The following SETDB2 variants were observed in gnomAD, a reference collection of about 807,000 sequenced individuals.
The protein encoded by SETDB2 is SET domain bifurcated histone lysine methyltransferase 2.
Under a neutral mutation model 82.5 loss-of-function variants are expected in SETDB2, and 56 were observed. That is an observed-to-expected ratio of 0.68 (90% confidence interval 0.55 to 0.85). The LOEUF (loss-of-function observed/expected upper bound fraction) is 0.85. Ranked by LOEUF, SETDB2 falls within the 40% of genes least tolerant of loss-of-function variation. The pLI is 0.00. For missense variants in SETDB2, 677 were observed against 816.4 expected, an observed-to-expected ratio of 0.83 and a Z score of 2.08; for synonymous variants, 272 against 284.9, an observed-to-expected ratio of 0.95 and a Z score of 0.46.
At chr13:49,469,467 T>G (rs1174132035) in intron 5 of SETDB2, among the ~76,000 whole-genome samples, 1 of 152,248 alleles carries the variant, frequency 6.6e-6, no homozygotes, top group African/African-American at 2.4e-5. Context: ...TGGATTTTTC[T>G]CACCTACTTG....
intron 1 of SETDB2, among the ~76,000 whole-genome samples, chr13:49,447,582 C>A (rs978859071): frequency 6.6e-6 from 1 of 152,054 alleles, no homozygotes; most frequent in Non-Finnish European, 1.5e-5. Flanking sequence ...AAGGGGCCCC[C>A]CCACCTTCCA....
intron 5 of SETDB2, among the ~76,000 whole-genome samples, chr13:49,475,284 C>A (rs899772816): frequency 6.6e-6 from 1 of 152,132 alleles, no homozygotes; most frequent in African/African-American, 2.4e-5. Flanking sequence ...CCACCAGGTC[C>A]CTCCCACAAC....
intron 3 of SETDB2, among the ~76,000 whole-genome samples, chr13:49,460,670 AC>A (rs1213433622): frequency 6.6e-6 from 1 of 152,078 alleles, no homozygotes; most frequent in African/African-American, 2.4e-5. Context: ...TTTGTTGTCA[AC>A]CCTGGTTGGT....
chr13:49,483,557 A>G lies in SETDB2; in HGVS notation c.1476A>G (p.Lys492=), dbSNP rs1393334620. Residue 492 remains lysine (K), a synonymous_variant, in exon 10 of 14, where the codon AAA becomes AAG. Coordinates refer to ENST00000611815, the MANE Select transcript of SETDB2 (RefSeq NM_001160308.3). The stretch of plus-strand genomic sequence containing the variant: ...CAGCCATTTTTCAACACAATGGGAA[A>G]AAAATGGTAAAAAATGCAAAATGTA... ...SKTAIFQHNG[K]KMEFVSSESV... 3 of 1,364,316 alleles carry G rather than the reference A, an allele frequency of 2.2e-6. No individual in the cohort carries two copies. Among genetic ancestry groups the G allele is most frequent in the Non-Finnish European group, 3.0e-6 (3 of 995,932 alleles). The allele number at this position is 1,364,316 out of a possible 1,614,324, so 84.5% of individuals were successfully genotyped here.
chr13:49,491,730 AG>A lies in SETDB2; in HGVS notation c.2007del. 2 of 1,600,460 alleles carry A rather than the reference AG, an allele frequency of 1.2e-6. No homozygotes were observed. Among genetic ancestry groups the A allele is most frequent in the Non-Finnish European group, 1.7e-6 (2 of 1,170,538 alleles). On this transcript the variant is annotated splice_acceptor_variant, in intron 13 of 13. Transcript: ENST00000611815. LOFTEE classifies it high-confidence loss of function. ...GATTCTTTTCAAATTTCTACTTTCTAGGTATGTGAAAGCAAGAACAGAGCTA... is the reference window on the plus strand; with the variant it reads ...GATTCTTTTCAAATTTCTACTTTCTAGTATGTGAAAGCAAGAACAGAGCTA...
intron 11 of SETDB2, among the ~76,000 whole-genome samples, chr13:49,486,985 A>T (rs574567246): frequency 1.3e-5 from 2 of 151,998 alleles, no homozygotes; most frequent in Admixed American, 6.5e-5. Context: ...TTTGTGTATT[A>T]TATTTATTTT....
chr13:49,486,055 T>A lies in SETDB2; in HGVS notation c.1576+332T>A, dbSNP rs151276350. Among the ~76,000 whole-genome samples, 163 of 152,298 alleles carry A rather than the reference T, an allele frequency of 1.1e-3. 1 individual carries two copies. The highest frequency in any genetic ancestry group is 3.3e-3 in the African/African-American group (137 of 41,562). ...TAAAGTTTTGGCCAGGTGCAGTAGCTCACGCCCGTAATCTTAGCACTTTGG... is the reference window on the plus strand; with the variant it reads ...TAAAGTTTTGGCCAGGTGCAGTAGCACACGCCCGTAATCTTAGCACTTTGG... On this transcript the variant is annotated intron_variant, in intron 11 of 13. Transcript: ENST00000611815.
chr13:49,469,447 T>A (rs1254680025), intron 5 of SETDB2, among the ~76,000 whole-genome samples: 4 of 152,194 alleles, frequency 2.6e-5, no homozygotes, highest in Non-Finnish European at 5.9e-5. Context: ...AAAAGAAAAT[T>A]CAGTTAATTT....
rs554494897 is a variant in SETDB2, at chr13:49,486,063, G to A, written c.1576+340G>A. Among the ~76,000 whole-genome samples, 19 of 152,264 alleles carry A rather than the reference G, an allele frequency of 1.2e-4. No homozygotes were observed. In the East Asian group the frequency reaches 1.5e-3, roughly 12 times the overall value. ...TGGCCAGGTGCAGTAGCTCACGCCC[G>A]TAATCTTAGCACTTTGGGAAGCCAA... On this transcript the variant is annotated intron_variant, in intron 11 of 13. Transcript: ENST00000611815.
chr13:49,463,942 G>A, intron 4 of SETDB2: 1 of 707,094 alleles, frequency 1.4e-6, no homozygotes, highest in Non-Finnish European at 2.6e-6. Context: ...TGCTGCCTCT[G>A]GGATAAGTCA....
chr13:49,477,102 T>C lies in SETDB2; in HGVS notation c.869+63T>C, dbSNP rs1228184288. ...GAATGTAAGGACGCTTGTTAAGAAG[T>C]CTTGCTATGTATTAATTTGTCTATC... On this transcript the variant is annotated intron_variant, in intron 6 of 13. Transcript: ENST00000611815. 1.9e-5 allele frequency: 26 copies of C among 1,380,240 alleles called. No individual in the cohort carries two copies. In the East Asian group the frequency reaches 3.5e-4, roughly 19 times the overall value. 85.5% of individuals were successfully genotyped at this position (1,380,240 alleles called of 1,614,324 possible).
At chr13:49,456,540 G>A (rs562183102) in intron 2 of SETDB2, among the ~76,000 whole-genome samples, 21 of 152,228 alleles carry the variant, frequency 1.4e-4, no homozygotes, top group Admixed American at 2.6e-4. Flanking sequence ...AGCAATATTA[G>A]TATGCTGAAT....
At chr13:49,470,861 A>G (rs1041149622) in intron 5 of SETDB2, among the ~76,000 whole-genome samples, 12 of 152,130 alleles carry the variant, frequency 7.9e-5, no homozygotes, top group East Asian at 7.7e-4. Context: ...AGATTATACA[A>G]ACTATCAACG....
intron 2 of SETDB2, among the ~76,000 whole-genome samples, chr13:49,453,710 C>T (rs9562880): frequency 0.043 from 6,506 of 152,158 alleles, 224 homozygotes; most frequent in East Asian, 0.16. Flanking sequence ...AGATTGCTCT[C>T]GTATATTTCT....
In SETDB2 at chr13:49,481,123, C is replaced by G; in HGVS notation, c.1156+7C>G. 6.2e-7 allele frequency: 1 copy of G among 1,605,580 alleles called. No homozygotes were observed. Among genetic ancestry groups the G allele is most frequent in the South Asian group, 1.1e-5 (1 of 89,950 alleles). ...TTTGTTTGCATTTATTCAGGTAAAG[C>G]AAAAGTTTATTTTCAAATTATTCTA... On this transcript the variant is annotated splice_region_variant and intron_variant, in intron 8 of 13. Coordinates refer to ENST00000611815, the MANE Select transcript of SETDB2 (RefSeq NM_001160308.3).
At chr13:49,469,556 G>T (rs1274591897) in intron 5 of SETDB2, among the ~76,000 whole-genome samples, 1 of 152,176 alleles carries the variant, frequency 6.6e-6, no homozygotes, top group African/African-American at 2.4e-5. Context: ...TTCTTCTAGA[G>T]ATTTTTAAGA....
At chr13:49,465,602 T>A (rs1416283982) in intron 4 of SETDB2, among the ~76,000 whole-genome samples, 2 of 152,028 alleles carry the variant, frequency 1.3e-5, no homozygotes, top group African/African-American at 4.8e-5. Context: ...AATGGCACGA[T>A]CTTTGCTCAC....
intron 4 of SETDB2, among the ~76,000 whole-genome samples, chr13:49,462,106 C>G (rs1413678802): frequency 1.3e-5 from 2 of 152,190 alleles, no homozygotes; most frequent in African/African-American, 4.8e-5. Context: ...TCTGAAAGCT[C>G]TCTGAACCCT....
chr13:49,485,809 T>C (rs1298205346), intron 11 of SETDB2, 86 bp downstream of exon 11: 1 of 1,096,030 alleles, frequency 9.1e-7, no homozygotes, highest in African/African-American at 1.5e-5. Context: ...TTTTCTTAGA[T>C]TCCATAATAA....
Sources: gnomAD v4.1 joint callset for allele counts (sites outside exome capture counted in the v4.1 genomes callset) on GRCh38, gnomAD v4.1.1 for gene constraint, MANE v1.5 for transcripts, NCBI Gene and HGNC (gene_info 2026-07-23, HGNC 2026-07-21) for gene names.